Variants in EFEMP1 observed in about 807,000 individuals in gnomAD.
The protein encoded by EFEMP1 is EGF-containing fibulin-like extracellular matrix protein 1.
Under a neutral mutation model 65.7 loss-of-function variants are expected in EFEMP1, and 18 were observed. The ratio of observed to expected loss-of-function variants is 0.27; its 90% confidence interval spans 0.19 to 0.41. EFEMP1 has a LOEUF of 0.41. Ranked by LOEUF, EFEMP1 falls within the 10% of genes least tolerant of loss-of-function variation. EFEMP1 has a pLI of 1.00. For synonymous variants in EFEMP1, 237 were observed against 219.7 expected, an observed-to-expected ratio of 1.08 and a Z score of -0.70; for missense variants, 469 against 624.8, an observed-to-expected ratio of 0.75 and a Z score of 2.66.
chr2:55,920,646 T>C (rs1181784116), intron 3 of EFEMP1, among the ~76,000 whole-genome samples: 1 of 152,264 alleles, frequency 6.6e-6, no homozygotes, highest in Non-Finnish European at 1.5e-5. Context: ...TATTTACTTC[T>C]AGACATTTAA....
intron 5 of EFEMP1, among the ~76,000 whole-genome samples, chr2:55,899,893 G>A (rs1336451639): frequency 2.0e-5 from 3 of 152,124 alleles, no homozygotes; most frequent in African/African-American, 4.8e-5. Flanking sequence ...TTCTGGGGGG[G>A]AAGTCATTGC....
intron 5 of EFEMP1, among the ~76,000 whole-genome samples, chr2:55,916,846 C>A (rs933733320): frequency 1.4e-4 from 22 of 152,218 alleles, no homozygotes; most frequent in African/African-American, 5.3e-4. Flanking sequence ...TAATATCCTA[C>A]ATGTCTTCAA....
At chr2:55,875,133 T>C in intron 8 of EFEMP1, 68 bp from the exon 9 acceptor site, 1 of 653,206 alleles carries the variant, frequency 1.5e-6, no homozygotes, top group Non-Finnish European at 2.1e-6. Flanking sequence ...TGGATATATA[T>C]ATATATATAA....
Position 55,922,299 on chromosome 2 carries a change from G to A in EFEMP1, c.81+61C>T, listed in dbSNP as rs1438397060. On this transcript the variant is annotated intron_variant, in intron 3 of 11. Coordinates refer to ENST00000355426, the MANE Select transcript of EFEMP1 (RefSeq NM_001039348.3). This position sits in a 1 kb window ranked among gnomAD's most constrained non-coding sequence, Gnocchi z 5.5. Reference sequence around the variant, plus strand: ...AAATACACTGGCAGGGGTGTGTAAAGTCTTTTTTTGTCACAGAATCCCGCT... The same window carrying A: ...AAATACACTGGCAGGGGTGTGTAAAATCTTTTTTTGTCACAGAATCCCGCT... 4 of 1,515,576 alleles carry A rather than the reference G, an allele frequency of 2.6e-6. No individual in the cohort carries two copies. The highest frequency in any genetic ancestry group is 1.4e-5 in the African/African-American group (1 of 72,826). The allele number at this position is 1,515,576 out of a possible 1,614,324, so 93.9% of individuals were successfully genotyped here.
At chr2:55,906,336 G>A (rs1670275033) in intron 5 of EFEMP1, among the ~76,000 whole-genome samples, 2 of 151,030 alleles carry the variant, frequency 1.3e-5, no homozygotes, top group South Asian at 2.1e-4. Context: ...CAATTCTCCT[G>A]CCTCAGCCTC....
Position 55,922,939 on chromosome 2 carries a change from C to T in EFEMP1, c.-48G>A. 9.8e-7 allele frequency: 1 copy of T among 1,022,008 alleles called. No homozygotes were observed. The highest frequency in any genetic ancestry group is 1.2e-6 in the Non-Finnish European group (1 of 851,228). 63.3% of individuals were successfully genotyped at this position (1,022,008 alleles called of 1,614,324 possible). ...TTCCTTGCACAGCACAGCAAAAATA[C>T]CTGTGAGCCAATATGAATTGCCTTG... On this transcript the variant is annotated splice_region_variant and 5_prime_UTR_variant, in exon 2 of 12. Coordinates refer to ENST00000355426, the MANE Select transcript of EFEMP1 (RefSeq NM_001039348.3). The surrounding 1 kb of genome is among the most constrained non-coding windows in gnomAD (Gnocchi z 5.5).
At chr2:55,906,627 A>G (rs1670289605) in intron 5 of EFEMP1, among the ~76,000 whole-genome samples, 1 of 151,782 alleles carries the variant, frequency 6.6e-6, no homozygotes, top group Non-Finnish European at 1.5e-5. Context: ...TGTTTTAACA[A>G]AAGGTGCCCA....
In EFEMP1 at chr2:55,922,618, T is replaced by C. The variant is rs1447492998; in HGVS notation, c.-7-171A>G. 5 of 675,128 alleles carry C rather than the reference T, an allele frequency of 7.4e-6. No homozygotes were observed. The highest frequency in any genetic ancestry group is 1.8e-5 in the African/African-American group (1 of 55,638). The allele number at this position is 675,128 out of a possible 1,614,324, so 41.8% of individuals were successfully genotyped here. ...CCCTCCCCCTCCTGAACCTTCTCGG[T>C]AGCCAACGAACGAGGCAGCAAAGAC... On this transcript the variant is annotated intron_variant, in intron 2 of 11. Transcript: ENST00000355426. This position sits in a 1 kb window ranked among gnomAD's most constrained non-coding sequence, Gnocchi z 5.5.
chr2:55,879,050 A>T (rs767830561), intron 6 of EFEMP1, among the ~76,000 whole-genome samples: 1 of 152,154 alleles, frequency 6.6e-6, no homozygotes, highest in Admixed American at 6.5e-5. Flanking sequence ...ACCAATATCA[A>T]ATAGGTTCTT....
chr2:55,922,261 C>G lies in EFEMP1; in HGVS notation c.81+99G>C. 9.2e-7 allele frequency: 1 copy of G among 1,086,362 alleles called. No individual in the cohort carries two copies. Among genetic ancestry groups the G allele is most frequent in the Non-Finnish European group, 1.4e-6 (1 of 705,476 alleles). The allele number at this position is 1,086,362 out of a possible 1,614,324, so 67.3% of individuals were successfully genotyped here. A position where few individuals can be genotyped will look rare whatever the true frequency, so the allele number is the denominator to read the frequency against. On this transcript the variant is annotated intron_variant, in intron 3 of 11. Coordinates refer to ENST00000355426, the MANE Select transcript of EFEMP1 (RefSeq NM_001039348.3). This position sits in a 1 kb window ranked among gnomAD's most constrained non-coding sequence, Gnocchi z 5.5. Reference sequence around the variant, plus strand: ...GTGTTGTTTAATTTATCACCCTCAGCAGAGTATAGCCCAAATACACTGGCA... The same window carrying G: ...GTGTTGTTTAATTTATCACCCTCAGGAGAGTATAGCCCAAATACACTGGCA...
At chr2:55,902,294 G>A (rs1675884998) in intron 5 of EFEMP1, among the ~76,000 whole-genome samples, 1 of 151,990 alleles carries the variant, frequency 6.6e-6, no homozygotes, top group Non-Finnish European at 1.5e-5. Context: ...TTGAGTTGGA[G>A]GCTGAAAGAA....
At position 55,881,725 on chromosome 2, in the gene EFEMP1, T is replaced by A. The variant is rs1170844479; in HGVS notation, c.527A>T (p.Glu176Val). 1 of 1,613,824 alleles carries A rather than the reference T, an allele frequency of 6.2e-7. No individual in the cohort carries two copies. The highest frequency in any genetic ancestry group is 1.3e-5 in the African/African-American group (1 of 74,916). The change falls in exon 6 of 12, where the codon GAG becomes GTG. Residue 176 changes from glutamate (E) to valine (V), a missense_variant. Glu to Val is a moderately radical substitution (Grantham distance 121). Coordinates refer to ENST00000355426, the MANE Select transcript of EFEMP1 (RefSeq NM_001039348.3). ...SEHNVCQDIDECTAGTHNCRA... is the reference protein window; with the variant it reads ...SEHNVCQDIDVCTAGTHNCRA... Reference sequence around the variant, plus strand: ...ACAGTTGTGCGTCCCTGCAGTGCACTCGTCTATGTCTGTCAGAGACATGCA... The same window carrying A: ...ACAGTTGTGCGTCCCTGCAGTGCACACGTCTATGTCTGTCAGAGACATGCA...
At chr2:55,891,602 A>G (rs76637001) in intron 5 of EFEMP1, among the ~76,000 whole-genome samples, 93 of 152,244 alleles carry the variant, frequency 6.1e-4, no homozygotes, top group African/African-American at 2.2e-3. Flanking sequence ...TACCTTTACA[A>G]TCTATCTCCC....
rs1338190647 is a variant in EFEMP1, at chr2:55,881,824, C to T, written c.518-90G>A. 2.7e-6 allele frequency: 4 copies of T among 1,484,420 alleles called. No individual in the cohort carries two copies. In the East Asian group the frequency reaches 6.8e-5, roughly 25 times the overall value. 92.0% of individuals were successfully genotyped at this position (1,484,420 alleles called of 1,614,324 possible). A position where few individuals can be genotyped will look rare whatever the true frequency, so the allele number is the denominator to read the frequency against. On this transcript the variant is annotated intron_variant, in intron 5 of 11. Coordinates refer to ENST00000355426, the MANE Select transcript of EFEMP1 (RefSeq NM_001039348.3). Reference sequence around the variant, plus strand: ...TGCCACTTCTTAAGCTAAATTTTTACTTTATTCTTAAAAGTTTATAATGTT... The same window carrying T: ...TGCCACTTCTTAAGCTAAATTTTTATTTTATTCTTAAAAGTTTATAATGTT...
At position 55,923,680 on chromosome 2, in the gene EFEMP1, C is replaced by T. The variant is rs1670999656; in HGVS notation, c.-49+31G>A. ...CGCGGCCCAGTGAGTACTGGGCTCG[C>T]TCGGGGCGACCCCCCGTTGGGGGCT... On this transcript the variant is annotated intron_variant, in intron 1 of 11. Transcript: ENST00000355426. The surrounding 1 kb of genome is among the most constrained non-coding windows in gnomAD (Gnocchi z 5.3). The T allele has an allele frequency of 1.0e-6, 1 of 985,650 alleles. No homozygotes were observed. Among genetic ancestry groups the T allele is most frequent in the South Asian group, 4.7e-5 (1 of 21,290 alleles). The allele number at this position is 985,650 out of a possible 1,614,324, so 61.1% of individuals were successfully genotyped here.
Position 55,922,912 on chromosome 2 carries a change from A to G in EFEMP1, c.-21T>C, listed in dbSNP as rs1204157628. On this transcript the variant is annotated 5_prime_UTR_variant, in exon 2 of 12. Coordinates refer to ENST00000355426, the MANE Select transcript of EFEMP1 (RefSeq NM_001039348.3). The surrounding 1 kb of genome is among the most constrained non-coding windows in gnomAD (Gnocchi z 5.5). ...CAGTATACTCACCTTGAGCTAGCAG[A>G]GTTCCTTGCACAGCACAGCAAAAAT... 2.7e-6 allele frequency: 3 copies of G among 1,097,792 alleles called. No homozygotes were observed. The highest frequency in any genetic ancestry group is 3.3e-6 in the Non-Finnish European group (3 of 896,210). The allele number at this position is 1,097,792 out of a possible 1,614,324, so 68.0% of individuals were successfully genotyped here. A position where few individuals can be genotyped will look rare whatever the true frequency, so the allele number is the denominator to read the frequency against.
intron 5 of EFEMP1, among the ~76,000 whole-genome samples, chr2:55,895,682 C>T (rs1478667464): frequency 6.6e-6 from 1 of 151,870 alleles, no homozygotes; most frequent in Non-Finnish European, 1.5e-5. Context: ...GCTGGGACTA[C>T]AGGCGCCCGC....
At chr2:55,908,540 A>G (rs886677927) in intron 5 of EFEMP1, among the ~76,000 whole-genome samples, 1 of 152,142 alleles carries the variant, frequency 6.6e-6, no homozygotes, top group African/African-American at 2.4e-5. Flanking sequence ...TATAGTTAAT[A>G]ATAATATGGT....
intron 5 of EFEMP1, among the ~76,000 whole-genome samples, chr2:55,884,102 A>G (rs536960303): frequency 6.6e-6 from 1 of 152,150 alleles, no homozygotes; most frequent in South Asian, 2.1e-4. Flanking sequence ...ATTTCCATTT[A>G]TGGCTTCTCT....
Sources: gnomAD v4.1 joint callset for allele counts (sites outside exome capture counted in the v4.1 genomes callset) on GRCh38, gnomAD v4.1.1 for gene constraint, Gnocchi (gnomAD v3.1) non-coding constraint, MANE v1.5 for transcripts, NCBI Gene and HGNC (gene_info 2026-07-23, HGNC 2026-07-21) for gene names.